FOXF1: variants seen among roughly 807,000 people sequenced by gnomAD.
FOXF1 encodes the protein forkhead box F1.
In FOXF1, 9 loss-of-function variants were observed where a neutral mutation model predicts 26.6. That is an observed-to-expected ratio of 0.34 (90% CI 0.20 to 0.59). The LOEUF (loss-of-function observed/expected upper bound fraction) is 0.59, where lower values mean the gene tolerates loss of function less well. Among genes scored for constraint, FOXF1 ranks in the 20% least tolerant of loss-of-function variants. FOXF1 has a pLI of 0.83. For synonymous variants in FOXF1, 330 were observed against 257.7 expected (o/e 1.28, Z -2.69); for missense variants, 499 against 549.9 (o/e 0.91, Z 0.93).
In FOXF1 at chr16:86,511,242, A is replaced by C; in HGVS notation, c.673A>C (p.Met225Leu). Reference sequence around the variant, plus strand: ...GCCTTCCAACGGCGGCCACTCGTACATGGGCGGCTGCGGCGGCGCGGCGGC... The same window carrying C: ...GCCTTCCAACGGCGGCCACTCGTACCTGGGCGGCTGCGGCGGCGCGGCGGC... ...HLPSNGGHSY[M>L]GGCGGAAAGE... is the part of the protein sequence containing the mutation. Residue 225 changes from methionine to leucine, a missense_variant, in exon 1 of 2, where the codon ATG (methionine) becomes CTG (leucine). By Grantham distance (15) the Met-to-Leu change is conservative. Transcript: ENST00000262426. 1 of 1,526,404 alleles carries C rather than the reference A, an allele frequency of 6.6e-7. No homozygotes were observed. The highest frequency in any genetic ancestry group is 8.7e-7 in the Non-Finnish European group (1 of 1,142,934). The allele number at this position is 1,526,404 out of a possible 1,614,324, so 94.6% of individuals were successfully genotyped here. A position where few individuals can be genotyped will look rare whatever the true frequency, so the allele number is the denominator to read the frequency against.
In FOXF1 at chr16:86,510,706, C is replaced by T. The variant is rs751447219; in HGVS notation, c.137C>T (p.Pro46Leu). ...AKKTNAGIRR[P>L]EKPPYSYIAL... ...AAGACCAACGCCGGCATCCGGCGCC[C>T]GGAGAAGCCGCCCTATTCCTACATC... Residue 46 changes from proline to leucine, a missense_variant, in exon 1 of 2, where the codon CCG (proline) becomes CTG (leucine). This residue lies in a region of FOXF1 where 76 missense variants were observed against 78.9 expected (regional missense o/e 0.96). Coordinates refer to ENST00000262426, the MANE Select transcript of FOXF1 (RefSeq NM_001451.3). 12 of 1,613,180 alleles carry T rather than the reference C, an allele frequency of 7.4e-6. No individual in the cohort carries two copies. Among genetic ancestry groups the T allele is most frequent in the South Asian group, 1.1e-5 (1 of 91,078 alleles).
At position 86,511,444 on chromosome 16, in the gene FOXF1, C is replaced by T; in HGVS notation, c.875C>T (p.Pro292Leu). The T allele has an allele frequency of 6.3e-7, 1 of 1,594,882 alleles. No individual in the cohort carries two copies. The highest frequency in any genetic ancestry group is 8.5e-7 in the Non-Finnish European group (1 of 1,178,580). Residue 292 changes from proline (P) to leucine (L), a missense_variant, in exon 1 of 2, where the codon CCC becomes CTC. By Grantham distance (98) the Pro-to-Leu change is moderately conservative (BLOSUM62 -3). Transcript: ENST00000262426. ...TATATCAAGCAGCAGCCCCTGTCCC[C>T]CTGTAACCCCGCGGCCAACCCCCTG... ...ASYIKQQPLS[P>L]CNPAANPLSG...
In FOXF1 at chr16:86,511,179, G is replaced by A; in HGVS notation, c.610G>A (p.Asp204Asn). 1 of 1,575,548 alleles carries A rather than the reference G, an allele frequency of 6.3e-7. No homozygotes were observed. ...GAACGGCCACTTGCCGGGCAACGTG[G>A]ACGGCATGGCCCTGCCCAGCCACTC... ...MMNGHLPGNV[D>N]GMALPSHSVP... Residue 204 changes from aspartate (D) to asparagine (N), a missense_variant, in exon 1 of 2, where the codon GAC becomes AAC. By Grantham distance (23) the Asp-to-Asn change is conservative (BLOSUM62 1). This residue lies in a region of FOXF1 where 367 missense variants were observed against 324.8 expected (regional missense o/e 1.13). Coordinates refer to ENST00000262426, the MANE Select transcript of FOXF1 (RefSeq NM_001451.3).
In FOXF1 at chr16:86,510,872, G is replaced by C. The variant is rs1365058744; in HGVS notation, c.303G>C (p.Ser101=). 6.2e-6 allele frequency: 10 copies of C among 1,613,922 alleles called. No homozygotes were observed. Among genetic ancestry groups the C allele is most frequent in the South Asian group, 1.1e-5 (1 of 91,080 alleles). Residue 101 remains serine (S), a synonymous_variant, in exon 1 of 2, where the codon TCG becomes TCC. Coordinates refer to ENST00000262426, the MANE Select transcript of FOXF1 (RefSeq NM_001451.3). ...GWKNSVRHNL[S]LNECFIKLPK... ...AGAACTCCGTGCGCCACAACCTCTC[G>C]CTCAACGAGTGCTTCATCAAGCTAC...
chr16:86,511,691 G>T (rs1449627398), intron 1 of FOXF1, 143 bp downstream of exon 1: 7 of 1,169,216 alleles, frequency 6.0e-6, no homozygotes, highest in Non-Finnish European at 8.6e-6. Flanking sequence ...GGTGTCTCTT[G>T]GCCCCACCTC....
At position 86,511,337 on chromosome 16, in the gene FOXF1, C is replaced by T; in HGVS notation, c.768C>T (p.Val256=). 6.5e-7 allele frequency: 1 copy of T among 1,535,684 alleles called. No individual in the cohort carries two copies. Among genetic ancestry groups the T allele is most frequent in the Non-Finnish European group, 8.7e-7 (1 of 1,149,162 alleles). The stretch of plus-strand genomic sequence containing the variant: ...TGCTGCCCACCGGCGCCGGTGGGGT[C>T]ATGGAGCCGCACGCCGTCTACTCGG... ...SPLLPTGAGG[V]MEPHAVYSGS... is the part of the protein sequence containing the mutation. Residue 256 remains valine (V), a synonymous_variant, in exon 1 of 2, where the codon GTC becomes GTT. Transcript: ENST00000262426.
Position 86,511,114 on chromosome 16 carries a change from C to T in FOXF1, c.545C>T (p.Pro182Leu), listed in dbSNP as rs758598952. The change falls in exon 1 of 2, where the codon CCG becomes CTG. Residue 182 changes from proline (P) to leucine (L), a missense_variant. Coordinates refer to ENST00000262426, the MANE Select transcript of FOXF1 (RefSeq NM_001451.3). ...GGCTCGGCCGGCGGCCTCTCGTGCC[C>T]GCCCAACAGCCTGGCGCTGGAGGGC... ...FQGSAGGLSC[P>L]PNSLALEGGL... The T allele has an allele frequency of 2.4e-5, 39 of 1,605,056 alleles. No homozygotes were observed. The highest frequency in any genetic ancestry group is 3.1e-5 in the Non-Finnish European group (36 of 1,179,686).
In FOXF1 at chr16:86,513,203, C is replaced by T. The variant is rs947465376; in HGVS notation, c.*118C>T. 18 of 1,130,986 alleles carry T rather than the reference C, an allele frequency of 1.6e-5. No individual in the cohort carries two copies. Among genetic ancestry groups the T allele is most frequent in the African/African-American group, 1.5e-5 (1 of 64,598 alleles). 70.1% of individuals were successfully genotyped at this position (1,130,986 alleles called of 1,614,324 possible). A position where few individuals can be genotyped will look rare whatever the true frequency, so the allele number is the denominator to read the frequency against. On this transcript the variant is annotated 3_prime_UTR_variant, in exon 2 of 2. Transcript: ENST00000262426. ...TCGGCAGAAGAAAAGGGTTCCACCT[C>T]TCCCCAACCGGAGTTTTTGGCAAGG... is the stretch of plus-strand genomic sequence containing the variant.
rs1180499399 is a variant in FOXF1, at chr16:86,514,416, T to A, written c.*1331T>A. The A allele has an allele frequency of 2.0e-5, 3 of 152,178 alleles. No individual in the cohort carries two copies. The highest frequency in any genetic ancestry group is 7.2e-5 in the African/African-American group (3 of 41,470). 9.4% of individuals were successfully genotyped at this position (152,178 alleles called of 1,614,324 possible). On this transcript the variant is annotated 3_prime_UTR_variant, in exon 2 of 2. Transcript: ENST00000262426. ...AATAAAAATGTATAACATTTGTACATGGCCTTTAAAATTGTATCAACTAGA... is the reference window on the plus strand; with the variant it reads ...AATAAAAATGTATAACATTTGTACAAGGCCTTTAAAATTGTATCAACTAGA...
At position 86,510,539 on chromosome 16, in the gene FOXF1, C is replaced by A; in HGVS notation, c.-31C>A. 1 of 1,295,714 alleles carries A rather than the reference C, an allele frequency of 7.7e-7. No homozygotes were observed. Among genetic ancestry groups the A allele is most frequent in the Non-Finnish European group, 9.8e-7 (1 of 1,024,486 alleles). The allele number at this position is 1,295,714 out of a possible 1,614,324, so 80.3% of individuals were successfully genotyped here. On this transcript the variant is annotated 5_prime_UTR_variant, in exon 1 of 2. Transcript: ENST00000262426. ...GCCCGTCCGCGGCGCAGAGCAGCGG[C>A]GGCAGCGGCGGCGGCGGCAGCAGCC...
In FOXF1 at chr16:86,513,116, C is replaced by G; in HGVS notation, c.*31C>G. On this transcript the variant is annotated 3_prime_UTR_variant, in exon 2 of 2. Transcript: ENST00000262426. ...CCGCCGCAGGCCCTCCTGGTGCAGG[C>G]AGGCGGGTCACAGGGACCCTGGACC... 1 of 1,605,846 alleles carries G rather than the reference C, an allele frequency of 6.2e-7. No homozygotes were observed.
rs1174158987 is a variant in FOXF1, at chr16:86,514,269, G to A, written c.*1184G>A. On this transcript the variant is annotated 3_prime_UTR_variant, in exon 2 of 2. Coordinates refer to ENST00000262426, the MANE Select transcript of FOXF1 (RefSeq NM_001451.3). ...CCCTCCTTTTTTTTTTTTGTATTTT[G>A]GCTGCTAGAGTGCAGCATTTGTGAC... The A allele has an allele frequency of 6.9e-6, 1 of 145,882 alleles. No homozygotes were observed. Among genetic ancestry groups the A allele is most frequent in the Non-Finnish European group, 1.5e-5 (1 of 66,512 alleles). 9.0% of individuals were successfully genotyped at this position (145,882 alleles called of 1,614,324 possible). A position where few individuals can be genotyped will look rare whatever the true frequency, so the allele number is the denominator to read the frequency against.
At position 86,513,335 on chromosome 16, in the gene FOXF1, TAAATA is replaced by T; in HGVS notation, c.*254_*258del. The T allele has an allele frequency of 1.9e-6, 1 of 529,424 alleles. No individual in the cohort carries two copies. The highest frequency in any genetic ancestry group is 3.4e-6 in the Non-Finnish European group (1 of 293,330). 32.8% of individuals were successfully genotyped at this position (529,424 alleles called of 1,614,324 possible). A position where few individuals can be genotyped will look rare whatever the true frequency, so the allele number is the denominator to read the frequency against. On this transcript the variant is annotated 3_prime_UTR_variant, in exon 2 of 2. Transcript: ENST00000262426. ...GGTCTGATCTGACTGCAGCCATCGG[TAAATA>T]AAAGTTTTTGATCCTGTTGAACCCG... is the stretch of plus-strand genomic sequence containing the variant.
rs753145526 is a variant in FOXF1 at position 86,511,409 on chromosome 16, C to T, written c.840C>T (p.Ser280=). The stretch of plus-strand genomic sequence containing the variant: ...CCTCGGCGTCCGCGGCGCTCAACAG[C>T]GGCGCCTCTTATATCAAGCAGCAGC... ...WPPSASAALN[S]GASYIKQQPL... The change falls in exon 1 of 2, where the codon AGC becomes AGT. Residue 280 remains serine (S), a synonymous_variant. Coordinates refer to ENST00000262426, the MANE Select transcript of FOXF1 (RefSeq NM_001451.3). 3.1e-6 allele frequency: 5 copies of T among 1,592,142 alleles called. No individual in the cohort carries two copies. The highest frequency in any genetic ancestry group is 2.2e-5 in the South Asian group (2 of 90,430).
At chr16:86,512,746 C>G (rs146140561) in intron 1 of FOXF1, among the ~76,000 whole-genome samples, 179 bp from the exon 2 acceptor site, 1 of 150,574 alleles carries the variant, frequency 6.6e-6, no homozygotes, top group Non-Finnish European at 1.5e-5. Flanking sequence ...GAGTCTTTTC[C>G]TTGGGTGCGC....
chr16:86,510,611 C>T lies in FOXF1; in HGVS notation c.42C>T (p.Gly14=). The change falls in exon 1 of 2, where the codon GGC becomes GGT. Residue 14 remains glycine, a synonymous_variant. Transcript: ENST00000262426. ...AGAAGCAGCAGCCACCGCACGGCGG[C>T]GGCGGCGGCGGCGGCGGGGGAGGCG... is the stretch of plus-strand genomic sequence containing the variant. ...APEKQQPPHG[G]GGGGGGGGGA... 7.2e-7 allele frequency: 1 copy of T among 1,384,540 alleles called. No homozygotes were observed. The highest frequency in any genetic ancestry group is 9.3e-7 in the Non-Finnish European group (1 of 1,078,014). The allele number at this position is 1,384,540 out of a possible 1,614,324, so 85.8% of individuals were successfully genotyped here. A position where few individuals can be genotyped will look rare whatever the true frequency, so the allele number is the denominator to read the frequency against.
rs1273148641 is a variant in FOXF1 at position 86,511,370 on chromosome 16, G to A, written c.801G>A (p.Ala267=). The A allele has an allele frequency of 1.9e-6, 3 of 1,575,054 alleles. No individual in the cohort carries two copies. The highest frequency in any genetic ancestry group is 1.9e-4 in the Middle Eastern group (1 of 5,212). Reference sequence around the variant, plus strand: ...CGCACGCCGTCTACTCGGGCTCGGCGGCGGCCTGGCCGCCCTCGGCGTCCG... The same window carrying A: ...CGCACGCCGTCTACTCGGGCTCGGCAGCGGCCTGGCCGCCCTCGGCGTCCG... The part of the protein sequence containing the change: ...MEPHAVYSGS[A]AAWPPSASAA... The change falls in exon 1 of 2, where the codon GCG becomes GCA. Residue 267 remains alanine (A), a synonymous_variant. Coordinates refer to ENST00000262426, the MANE Select transcript of FOXF1 (RefSeq NM_001451.3).
In FOXF1 at chr16:86,510,605, C is replaced by T; in HGVS notation, c.36C>T (p.His12=). The change falls in exon 1 of 2, where the codon CAC becomes CAT. Residue 12 remains histidine, a synonymous_variant. Coordinates refer to ENST00000262426, the MANE Select transcript of FOXF1 (RefSeq NM_001451.3). ...SSAPEKQQPP[H]GGGGGGGGGG... is the part of the protein sequence containing the mutation. ...CGCCCGAGAAGCAGCAGCCACCGCA[C>T]GGCGGCGGCGGCGGCGGCGGCGGGG... 8.2e-7 allele frequency: 1 copy of T among 1,226,906 alleles called. No homozygotes were observed. Among genetic ancestry groups the T allele is most frequent in the Non-Finnish European group, 1.0e-6 (1 of 976,032 alleles). The allele number at this position is 1,226,906 out of a possible 1,614,324, so 76.0% of individuals were successfully genotyped here.
rs771557268 is a variant in FOXF1 at position 86,513,364 on chromosome 16, C to T, written c.*279C>T. 19 of 465,032 alleles carry T rather than the reference C, an allele frequency of 4.1e-5. 1 individual carries two copies. The highest frequency in any genetic ancestry group is 2.3e-4 in the South Asian group (11 of 47,260). The allele number at this position is 465,032 out of a possible 1,614,324, so 28.8% of individuals were successfully genotyped here. A position where few individuals can be genotyped will look rare whatever the true frequency, so the allele number is the denominator to read the frequency against. ...TAAAAGTTTTTGATCCTGTTGAACCCGCCTGAGACGGTGCTGTGCAGGGGA... is the reference window on the plus strand; with the variant it reads ...TAAAAGTTTTTGATCCTGTTGAACCTGCCTGAGACGGTGCTGTGCAGGGGA... On this transcript the variant is annotated 3_prime_UTR_variant, in exon 2 of 2. Transcript: ENST00000262426.
Sources: allele counts gnomAD v4.1 joint callset (sites outside exome capture counted in the v4.1 genomes callset), GRCh38; gene constraint gnomAD v4.1.1; regional missense constraint gnomAD v4.1.1; transcripts MANE v1.5; gene names NCBI Gene and HGNC (gene_info 2026-07-23, HGNC 2026-07-21).